Variants in DHRS2 observed in about 807,000 individuals in gnomAD.
DHRS2 encodes the protein dehydrogenase/reductase 2.
DHRS2 carries 29 observed loss-of-function variants against 26.3 expected under a neutral mutation model. The ratio of observed to expected loss-of-function variants is 1.10; its 90% CI spans 0.82 to 1.50. The LOEUF (loss-of-function observed/expected upper bound fraction) is 1.50. Among genes scored for constraint, DHRS2 ranks in the 40% most tolerant of loss-of-function variants. DHRS2 has a pLI of 0.00. For missense variants in DHRS2, 439 were observed against 367.1 expected (o/e 1.20, Z -1.60); for synonymous variants, 164 against 151.3 (o/e 1.08, Z -0.62).
At chr14:23,639,039 C>T (rs749663802) in intron 2 of DHRS2, 35 bp downstream of exon 2, 1 of 1,607,006 alleles carries the variant, frequency 6.2e-7, no homozygotes, top group South Asian at 1.1e-5. Context: ...CCTGGCCCCT[C>T]ACAGGGTCCT....
chr14:23,630,829 G>A (rs1252492432), intron 1 of DHRS2, among the ~76,000 whole-genome samples: 1 of 152,212 alleles, frequency 6.6e-6, no homozygotes, highest in Non-Finnish European at 1.5e-5. Flanking sequence ...TAGATTTAAA[G>A]ATTTTCTGAT....
intron 3 of DHRS2, 43 bp downstream of exon 3, chr14:23,639,399 C>T (rs752118286): frequency 7.9e-6 from 12 of 1,524,952 alleles, no homozygotes; most frequent in East Asian, 2.3e-5. Context: ...GGGGAACATG[C>T]AGAACCTTTC....
At chr14:23,637,797 C>G (rs553715502) in intron 1 of DHRS2, among the ~76,000 whole-genome samples, 2 of 152,144 alleles carry the variant, frequency 1.3e-5, no homozygotes, top group Admixed American at 6.5e-5. Flanking sequence ...CACTCTGTGT[C>G]TAGCTAAAGG....
intron 1 of DHRS2, among the ~76,000 whole-genome samples, chr14:23,637,134 TCTATCCTGA>T (rs1890346698): frequency 6.6e-6 from 1 of 151,928 alleles, no homozygotes; most frequent in African/African-American, 2.4e-5. Flanking sequence ...ATCTATCCTA[TCTATCCTGA>T]CCCTTGCTCG....
At chr14:23,633,030 A>G (rs1046813896), upstream of DHRS2, among the ~76,000 whole-genome samples, 2 of 152,206 alleles carry the variant, frequency 1.3e-5, no homozygotes, top group Non-Finnish European at 2.9e-5. Flanking sequence ...GGAATCCCAC[A>G]TAGGGGAAGG....
At position 23,644,865 on chromosome 14, in the gene DHRS2, AC is replaced by A; in HGVS notation, c.715del (p.His239IlefsTer59). The A allele has an allele frequency of 6.2e-7, 1 of 1,614,214 alleles. No individual in the cohort carries two copies. Among genetic ancestry groups the A allele is most frequent in the South Asian group, 1.1e-5 (1 of 91,086 alleles). On this transcript the variant is annotated frameshift_variant, in exon 8 of 9. Coordinates refer to ENST00000250383, the MANE Select transcript of DHRS2 (RefSeq NM_005794.4). LOFTEE classifies it low-confidence loss of function (END_TRUNC). ...AGTCTCTCTGGAAGAACTTCAAGGA[AC>A]ATCATCAGCTGCAGAGGCAAGTGGG... ...NESLWKNFKE[H>X]HQLQRIGESE...
chr14:23,644,736 C>T, intron 7 of DHRS2, 91 bp from the exon 8 acceptor site: 1 of 1,505,648 alleles, frequency 6.6e-7, no homozygotes, highest in South Asian at 1.1e-5. Context: ...AAGGGCAAAG[C>T]TGCCCTAGGT....
At chr14:23,644,379 T>C in intron 6 of DHRS2, 30 bp from the exon 7 acceptor site, 1 of 1,613,676 alleles carries the variant, frequency 6.2e-7, no homozygotes, top group Non-Finnish European at 8.5e-7. Context: ...CTCTCCCATA[T>C]CCTAATCACT....
intron 1 of DHRS2, chr14:23,638,049 T>A (rs1890424998): frequency 6.6e-6 from 1 of 152,206 alleles, no homozygotes; most frequent in South Asian, 2.1e-4. Context: ...ACTCTTTGGG[T>A]CCGCGCTGCC....
At chr14:23,637,540 C>T (rs1594239076) in intron 1 of DHRS2, among the ~76,000 whole-genome samples, 1 of 152,030 alleles carries the variant, frequency 6.6e-6, no homozygotes, top group East Asian at 1.9e-4. Context: ...TCAGGTTACT[C>T]TTCTTCATTT....
chr14:23,639,931 C>A, intron 4 of DHRS2, 36 bp downstream of exon 4: 2 of 1,511,838 alleles, frequency 1.3e-6, no homozygotes, highest in South Asian at 1.3e-5. Flanking sequence ...GCTGAGGGCC[C>A]GATTCCAGCT....
In DHRS2 at chr14:23,639,862, C is replaced by A. The variant is rs758567449; in HGVS notation, c.387C>A (p.Ser129Arg). The change falls in exon 4 of 9, where the codon AGC becomes AGA. Residue 129 changes from serine to arginine, a missense_variant. Coordinates refer to ENST00000250383, the MANE Select transcript of DHRS2 (RefSeq NM_005794.4). ...CSAGVNPLVGSTLGTSEQIWD... is the reference protein window; with the variant it reads ...CSAGVNPLVGRTLGTSEQIWD... ...CAGGGGTCAACCCTCTGGTAGGGAG[C>A]ACTCTGGGGACCAGTGAGCAGATCT... is the stretch of plus-strand genomic sequence containing the variant. 5.0e-6 allele frequency: 8 copies of A among 1,609,312 alleles called. No homozygotes were observed. Among genetic ancestry groups the A allele is most frequent in the Non-Finnish European group, 6.8e-6 (8 of 1,177,578 alleles).
upstream of DHRS2, among the ~76,000 whole-genome samples, chr14:23,635,569 T>C (rs1890250200): frequency 6.6e-6 from 1 of 152,260 alleles, no homozygotes; most frequent in Non-Finnish European, 1.5e-5. Context: ...TGATTGTACT[T>C]ACCCTCTACC....
At position 23,636,444 on chromosome 14, in the gene DHRS2, C is replaced by G. The variant is rs113403318; in HGVS notation, c.-367C>G. 3 of 152,254 alleles carry G rather than the reference C, an allele frequency of 2.0e-5. No individual in the cohort carries two copies. Among genetic ancestry groups the G allele is most frequent in the South Asian group, 2.1e-4 (1 of 4,814 alleles). The allele number at this position is 152,254 out of a possible 1,614,324, so 9.4% of individuals were successfully genotyped here. ...ATGATAAATCTTGCTGCTGCTCACTCGTTGGGTCCGTGCCACCTTTAAGAG... is the reference window on the plus strand; with the variant it reads ...ATGATAAATCTTGCTGCTGCTCACTGGTTGGGTCCGTGCCACCTTTAAGAG... On this transcript the variant is annotated 5_prime_UTR_variant, in exon 1 of 9. Transcript: ENST00000250383.
upstream of DHRS2, among the ~76,000 whole-genome samples, chr14:23,635,527 T>C (rs1890249222): frequency 6.6e-6 from 1 of 152,252 alleles, no homozygotes; most frequent in Non-Finnish European, 1.5e-5. Flanking sequence ...TATTTTCAAC[T>C]TCTCCGTATA....
rs893823189 is a variant in DHRS2 at position 23,643,167 on chromosome 14, G to A, written c.436G>A (p.Val146Met). The A allele has an allele frequency of 6.2e-6, 10 of 1,613,904 alleles. No homozygotes were observed. Among genetic ancestry groups the A allele is most frequent in the South Asian group, 4.4e-5 (4 of 91,060 alleles). The part of the protein sequence containing the change: ...QIWDKILSVN[V>M]KSPALLLSQL... ...CTGATTTCAGATCCTAAGTGTGAAC[G>A]TGAAGTCCCCAGCCCTGCTGCTGAG... Residue 146 changes from valine (V) to methionine (M), a missense_variant, in exon 5 of 9, where the codon GTG becomes ATG. Val to Met is a conservative substitution (Grantham distance 21). Coordinates refer to ENST00000250383, the MANE Select transcript of DHRS2 (RefSeq NM_005794.4).
At chr14:23,642,885 G>T (rs765021744) in intron 4 of DHRS2, 4 of 345,104 alleles carry the variant, frequency 1.2e-5, no homozygotes, top group South Asian at 3.7e-5. Flanking sequence ...TCTTTAAAAG[G>T]CCTGAACATT....
chr14:23,645,383 C>T lies in DHRS2; in HGVS notation c.*130C>T. 6.4e-7 allele frequency: 1 copy of T among 1,568,372 alleles called. No individual in the cohort carries two copies. Among genetic ancestry groups the T allele is most frequent in the Admixed American group, 1.7e-5 (1 of 57,676 alleles). ...CTAGCAATTTGGGGGCTTACTCATGCTAGGCTTGAGGAAGAAGAAAAACGC... is the reference window on the plus strand; with the variant it reads ...CTAGCAATTTGGGGGCTTACTCATGTTAGGCTTGAGGAAGAAGAAAAACGC... On this transcript the variant is annotated 3_prime_UTR_variant, in exon 9 of 9. Coordinates refer to ENST00000250383, the MANE Select transcript of DHRS2 (RefSeq NM_005794.4).
intron 8 of DHRS2, 55 bp downstream of exon 8, chr14:23,644,937 A>G (rs954530297): frequency 1.3e-6 from 2 of 1,595,864 alleles, no homozygotes. Flanking sequence ...GGGGCAGTTG[A>G]GTCTATTGCA....
Sources: allele counts gnomAD v4.1 joint callset (sites outside exome capture counted in the v4.1 genomes callset), GRCh38; gene constraint gnomAD v4.1.1; transcripts MANE v1.5; gene names NCBI Gene and HGNC (gene_info 2026-07-23, HGNC 2026-07-21).